LRIG2: variants seen among roughly 807,000 people sequenced by gnomAD.
LRIG2 encodes leucine-rich repeats and immunoglobulin-like domains protein 2.
Under a neutral mutation model 107.8 loss-of-function variants are expected in LRIG2, and 93 were observed. That is an observed-to-expected ratio of 0.86 (90% CI 0.73 to 1.03). LRIG2 has a LOEUF of 1.03. Among genes scored for constraint, LRIG2 ranks in the 50% least tolerant of loss-of-function variants. LRIG2 has a pLI of 0.00. For synonymous variants in LRIG2, 471 were observed against 470.6 expected, an observed-to-expected ratio of 1.00 and a Z score of -0.01; for missense variants, 1,226 against 1,296.0, an observed-to-expected ratio of 0.95 and a Z score of 0.83.
chr1:113,084,213 C>CTT lies in LRIG2; in HGVS notation c.240-7088_240-7087dup, dbSNP rs66711679. ...GAGGAAATCTGTGCTTTACTTAATTCTTTTTTTTTTTTTTTTTTCTGAGAC... is the reference window on the plus strand; with the variant it reads ...GAGGAAATCTGTGCTTTACTTAATTCTTTTTTTTTTTTTTTTTTTTCTGAGAC... On this transcript the variant is annotated intron_variant, in intron 1 of 17. Transcript: ENST00000361127. 4.2e-3 allele frequency among the ~76,000 whole-genome samples: 505 copies of CTT among 120,870 alleles called. 14 individuals are homozygous for CTT. Among genetic ancestry groups the CTT allele is most frequent in the Admixed American group, 5.6e-3 (58 of 10,364 alleles). The allele number at this position is 120,870 out of a possible 152,430, so 79.3% of individuals were successfully genotyped here.
In LRIG2 at chr1:113,126,617, T is replaced by A. The variant is rs1655496074; in HGVS notation, c.*2516T>A. The A allele has an allele frequency of 6.6e-6, 1 of 152,384 alleles. No homozygotes were observed. The highest frequency in any genetic ancestry group is 2.1e-4 in the South Asian group (1 of 4,836). 9.4% of individuals were successfully genotyped at this position (152,384 alleles called of 1,614,324 possible). ...CACTATATGGATTACTCTGGCTCAC[T>A]GCTGTCCAAGCTTGGTTTTCTCTTT... On this transcript the variant is annotated 3_prime_UTR_variant, in exon 18 of 18. Transcript: ENST00000361127.
chr1:113,094,446 C>T lies in LRIG2; in HGVS notation c.623C>T (p.Pro208Leu). Residue 208 changes from proline to leucine, a missense_variant, in exon 5 of 18, where the codon CCA becomes CTA. Coordinates refer to ENST00000361127, the MANE Select transcript of LRIG2 (RefSeq NM_014813.3). Reference protein sequence around the residue: ...KLNRNRMSMIPPKIFKLPHLQ... With the variant: ...KLNRNRMSMILPKIFKLPHLQ... ...AACCGTAACCGAATGAGCATGATTCCACCTAAGATCTTCAAGCTGCCTCAC... is the reference window on the plus strand; with the variant it reads ...AACCGTAACCGAATGAGCATGATTCTACCTAAGATCTTCAAGCTGCCTCAC... The T allele has an allele frequency of 6.2e-7, 1 of 1,611,624 alleles. No individual in the cohort carries two copies. The highest frequency in any genetic ancestry group is 2.2e-5 in the East Asian group (1 of 44,850).
At chr1:113,090,569 G>T (rs1245450214) in intron 1 of LRIG2, among the ~76,000 whole-genome samples, 4 of 151,142 alleles carry the variant, frequency 2.6e-5, no homozygotes, top group African/African-American at 7.3e-5. Flanking sequence ...TGGGTGTGGT[G>T]TCTCACGCCT....
Position 113,073,436 on chromosome 1 carries a change from G to A in LRIG2, c.30G>A (p.Glu10=). ...CGCCGGCGCCCCTAGGCGTCCCGGA[G>A]GAGCAGTTGCTGGGGTGTCGATCTA... MAPAPLGVP[E]EQLLGCRSRV... is the part of the protein sequence containing the mutation. Residue 10 remains glutamate, a synonymous_variant, in exon 1 of 18, where the codon GAG becomes GAA. Transcript: ENST00000361127. The A allele has an allele frequency of 1.2e-6, 2 of 1,614,150 alleles. No individual in the cohort carries two copies. Among genetic ancestry groups the A allele is most frequent in the Non-Finnish European group, 1.7e-6 (2 of 1,179,972 alleles).
chr1:113,107,616 C>T lies in LRIG2; in HGVS notation c.1336C>T (p.Leu446Phe). The T allele has an allele frequency of 6.2e-7, 1 of 1,611,706 alleles. No individual in the cohort carries two copies. Among genetic ancestry groups the T allele is most frequent in the Non-Finnish European group, 8.5e-7 (1 of 1,179,440 alleles). ...KELILNTSSL[L>F]CDCHLKWLLQ... ...CAGGATTCTGAACACAAGCAGTTTG[C>T]TCTGTGACTGCCATTTGAAGTGGCT... Residue 446 changes from leucine (L) to phenylalanine (F), a missense_variant, in exon 12 of 18, where the codon CTC becomes TTC. Around this residue, in one of 3 missense-constraint regions of LRIG2, gnomAD observed 570 missense variants for 550.2 expected, o/e 1.04. Coordinates refer to ENST00000361127, the MANE Select transcript of LRIG2 (RefSeq NM_014813.3).
chr1:113,092,121 C>G (rs1005752333), intron 2 of LRIG2, among the ~76,000 whole-genome samples: 2 of 152,182 alleles, frequency 1.3e-5, no homozygotes, highest in Non-Finnish European at 1.5e-5. Flanking sequence ...ACACAGTTGA[C>G]AAGTTTGTTA....
intron 15 of LRIG2, among the ~76,000 whole-genome samples, chr1:113,115,707 T>C (rs1654978186): frequency 1.3e-5 from 2 of 151,942 alleles, no homozygotes; most frequent in Middle Eastern, 6.8e-3. Context: ...TTTGTATTTT[T>C]AGTTGAGACG....
At chr1:113,107,361 C>G (rs116273277) in intron 11 of LRIG2, among the ~76,000 whole-genome samples, 2 of 151,942 alleles carry the variant, frequency 1.3e-5, no homozygotes, top group Non-Finnish European at 2.9e-5. Flanking sequence ...ATTCTTTAGT[C>G]GTCTTCAAAA....
chr1:113,101,366 C>T (rs1654303567), intron 11 of LRIG2, among the ~76,000 whole-genome samples: 1 of 151,908 alleles, frequency 6.6e-6, no homozygotes, highest in African/African-American at 2.4e-5. Context: ...CCGGTCCCGC[C>T]TGGTATTATT....
At chr1:113,094,986 T>TATA (rs1477517170) in intron 6 of LRIG2, among the ~76,000 whole-genome samples, 1,128 of 109,656 alleles carry the variant, frequency 0.01, 33 homozygotes, top group Admixed American at 0.071. Flanking sequence ...ATATATATAT[T>TATA]TTTTTTGAGA....
chr1:113,123,564 A>C (rs1011751946), intron 17 of LRIG2, among the ~76,000 whole-genome samples: 3 of 152,204 alleles, frequency 2.0e-5, no homozygotes, highest in Non-Finnish European at 2.9e-5. Flanking sequence ...ACAAGAGCGA[A>C]ACTCCATCTC....
Position 113,100,484 on chromosome 1 carries a change from G to T in LRIG2, c.1309G>T (p.Glu437Ter), listed in dbSNP as rs897326277. ...ENAFSQTHLK[E>*]LILNTSSLLC... ...TGCTTTTTCTCAGACTCATTTAAAA[G>T]AACTGTAAGTAACTTGTCTTTTTAA... Residue 437 changes from glutamate (E) to a stop codon, truncating the protein, a stop_gained, in exon 11 of 18, where the codon GAA becomes TAA. Transcript: ENST00000361127. LOFTEE classifies it high-confidence loss of function. 6.7e-7 allele frequency: 1 copy of T among 1,487,830 alleles called. No individual in the cohort carries two copies. 92.2% of individuals were successfully genotyped at this position (1,487,830 alleles called of 1,614,324 possible).
At chr1:113,092,512 T>G (rs1162735574) in intron 2 of LRIG2, among the ~76,000 whole-genome samples, 1 of 150,726 alleles carries the variant, frequency 6.6e-6, no homozygotes, top group Non-Finnish European at 1.5e-5. Flanking sequence ...TTGTGTGTTG[T>G]GTGTTTATAT....
rs1465039620 is a variant in LRIG2, at chr1:113,129,397, TCTC to T, written c.*5299_*5301del. ...TACTGACAGTGCTGTCAGAGTCTGGTCTCCTAAAGAGCCAGGTCATTTTCCATT... is the reference window on the plus strand; with the variant it reads ...TACTGACAGTGCTGTCAGAGTCTGGTCTAAAGAGCCAGGTCATTTTCCATT... On this transcript the variant is annotated 3_prime_UTR_variant, in exon 18 of 18. Transcript: ENST00000361127. The T allele has an allele frequency of 6.6e-6, 1 of 151,542 alleles. No homozygotes were observed. Among genetic ancestry groups the T allele is most frequent in the African/African-American group, 2.4e-5 (1 of 41,212 alleles). 9.4% of individuals were successfully genotyped at this position (151,542 alleles called of 1,614,324 possible).
In LRIG2 at chr1:113,126,913, C is replaced by G. The variant is rs1655504709; in HGVS notation, c.*2812C>G. ...ACCATTTGTCCATCCGACTTCTGCA[C>G]TGGGCCACATCCATCTTCTTCATTG... is the stretch of plus-strand genomic sequence containing the variant. On this transcript the variant is annotated 3_prime_UTR_variant, in exon 18 of 18. Coordinates refer to ENST00000361127, the MANE Select transcript of LRIG2 (RefSeq NM_014813.3). 3 of 157,430 alleles carry G rather than the reference C, an allele frequency of 1.9e-5. No homozygotes were observed. The highest frequency in any genetic ancestry group is 6.5e-5 in the Admixed American group (1 of 15,288). 9.8% of individuals were successfully genotyped at this position (157,430 alleles called of 1,614,324 possible). A position where few individuals can be genotyped will look rare whatever the true frequency, so the allele number is the denominator to read the frequency against.
intron 12 of LRIG2, 111 bp from the exon 13 acceptor site, chr1:113,110,131 T>C: frequency 2.6e-6 from 2 of 762,270 alleles, no homozygotes; most frequent in South Asian, 1.9e-5. Flanking sequence ...CTTTCAACTT[T>C]AATATGCCAC....
At chr1:113,083,102 G>A (rs1653363081) in intron 1 of LRIG2, among the ~76,000 whole-genome samples, 1 of 151,260 alleles carries the variant, frequency 6.6e-6, no homozygotes, top group Admixed American at 6.6e-5. Flanking sequence ...ATAGAGACAG[G>A]GTCTCGCCAT....
intron 1 of LRIG2, among the ~76,000 whole-genome samples, chr1:113,088,010 C>A (rs1418877314): frequency 6.6e-6 from 1 of 152,214 alleles, no homozygotes; most frequent in African/African-American, 2.4e-5. Flanking sequence ...CATGACTGAT[C>A]AGATCAATCC....
chr1:113,122,417 A>G (rs1026773684), intron 17 of LRIG2, among the ~76,000 whole-genome samples: 2 of 152,162 alleles, frequency 1.3e-5, no homozygotes, highest in African/African-American at 2.4e-5. Context: ...AAAGACTTCT[A>G]AAGAGGTACA....
Sources: allele counts gnomAD v4.1 joint callset (sites outside exome capture counted in the v4.1 genomes callset), GRCh38; gene constraint gnomAD v4.1.1; regional missense constraint gnomAD v4.1.1; transcripts MANE v1.5; gene names NCBI Gene and HGNC (gene_info 2026-07-23, HGNC 2026-07-21).